SMTN: variants seen among roughly 807,000 people sequenced by gnomAD.
The protein encoded by SMTN is smoothelin.
Under a neutral mutation model 102.0 loss-of-function variants are expected in SMTN, and 58 were observed. That is an observed-to-expected ratio of 0.57 (90% CI 0.46 to 0.71). The LOEUF (loss-of-function observed/expected upper bound fraction) is 0.71. Among genes scored for constraint, SMTN ranks in the 30% least tolerant of loss-of-function variants. The pLI is 0.00. For synonymous variants in SMTN, 478 were observed against 497.9 expected (o/e 0.96, Z 0.53); for missense variants, 1,185 against 1,241.7 (o/e 0.95, Z 0.69).
chr22:31,094,036 C>T (rs2043363419), intron 11 of SMTN, among the ~76,000 whole-genome samples: 1 of 152,220 alleles, frequency 6.6e-6, no homozygotes, highest in South Asian at 2.1e-4. Context: ...GTGCCAGGCT[C>T]CAGCCCTGAG....
rs1014369874 is a variant in SMTN at position 31,098,749 on chromosome 22, G to T, written c.2242G>T (p.Glu748Ter). 7 of 1,613,374 alleles carry T rather than the reference G, an allele frequency of 4.3e-6. No individual in the cohort carries two copies. The highest frequency in any genetic ancestry group is 5.9e-6 in the Non-Finnish European group (7 of 1,179,856). ...GAAACGGCAGGCCGAGAAGAAGAAA[G>T]AGCTGATGAAGGCGCAGAGTCTGCC... ...LEKRQAEKKK[E>*]LMKAQSLPKT... The change falls in exon 17 of 21, where the codon GAG becomes TAG. Residue 748 changes from glutamate (E) to a stop codon, truncating the protein, a stop_gained. Coordinates refer to ENST00000333137, the MANE Select transcript of SMTN (RefSeq NM_134269.3). LOFTEE classifies it high-confidence loss of function.
At chr22:31,087,815 A>G (rs1011542581) in intron 2 of SMTN, 150 bp from the exon 3 acceptor site, 15 of 759,732 alleles carry the variant, frequency 2.0e-5, no homozygotes, top group Non-Finnish European at 2.8e-5. Flanking sequence ...TACCCCCGGG[A>G]CCCTGCGTGG....
intron 11 of SMTN, among the ~76,000 whole-genome samples, chr22:31,094,939 G>T (rs531450012): frequency 6.6e-6 from 1 of 152,028 alleles, no homozygotes; most frequent in African/African-American, 2.4e-5. Context: ...CTCCCACCTC[G>T]GCCTCCCAAA....
intron 18 of SMTN, chr22:31,099,412 CA>C (rs2043894655): frequency 3.4e-6 from 2 of 591,654 alleles, no homozygotes; most frequent in East Asian, 5.6e-5. Context: ...GGGCAGGGTT[CA>C]AGGCCGGATC....
upstream of SMTN, chr22:31,080,724 C>G (rs1195882100): frequency 6.6e-6 from 1 of 152,234 alleles, no homozygotes; most frequent in Non-Finnish European, 1.5e-5. Context: ...AAGGTAGAAG[C>G]ATGCTACAAG....
chr22:31,073,680 C>A (rs2042061763), intron 1 of SMTN, among the ~76,000 whole-genome samples: 1 of 152,198 alleles, frequency 6.6e-6, no homozygotes, highest in Non-Finnish European at 1.5e-5. Flanking sequence ...TTACAGCAGT[C>A]AGCATTAATT....
intron 20 of SMTN, 149 bp from the exon 21 acceptor site, chr22:31,104,167 G>A: frequency 1.1e-6 from 1 of 880,156 alleles, no homozygotes. Context: ...TGAAGCCAGG[G>A]GCTTCCTGCC....
chr22:31,103,355 T>G (rs938465639), intron 20 of SMTN: 1 of 152,264 alleles, frequency 6.6e-6, no homozygotes, highest in Non-Finnish European at 1.5e-5. Context: ...GGTCTTGCTC[T>G]GGGGGTTGAG....
chr22:31,068,508 C>T (rs565557403), intron 1 of SMTN, among the ~76,000 whole-genome samples: 9 of 152,110 alleles, frequency 5.9e-5, no homozygotes, highest in Admixed American at 3.3e-4. Flanking sequence ...GTCTTTTGTA[C>T]CAATTAGGTA....
At chr22:31,097,139 G>C in intron 15 of SMTN, 79 bp downstream of exon 15, 2 of 1,519,346 alleles carry the variant, frequency 1.3e-6, no homozygotes, top group South Asian at 1.1e-5. Context: ...CTCTCTCTCC[G>C]TGTCTTCAAC....
Position 31,091,140 on chromosome 22 carries a change from A to G in SMTN, c.1117A>G (p.Thr373Ala), listed in dbSNP as rs747025394. 9.3e-6 allele frequency: 15 copies of G among 1,612,390 alleles called. No homozygotes were observed. The highest frequency in any genetic ancestry group is 1.1e-5 in the Non-Finnish European group (13 of 1,179,482). ...CCTGGGCCCCTCCCTCACCAGCACCACCCCTGCCTCCTCCTCCAGCGGCTC... is the reference window on the plus strand; with the variant it reads ...CCTGGGCCCCTCCCTCACCAGCACCGCCCCTGCCTCCTCCTCCAGCGGCTC... ...RLLGPSLTST[T>A]PASSSSGSSS... Residue 373 changes from threonine (T) to alanine (A), a missense_variant, in exon 10 of 21, where the codon ACC becomes GCC. Thr to Ala is a moderately conservative substitution (Grantham distance 58). This residue lies in a region of SMTN where 1,096 missense variants were observed against 1,112.7 expected (regional missense o/e 0.98). Transcript: ENST00000333137.
chr22:31,093,225 GC>G (rs994591702), intron 11 of SMTN: 29 of 249,514 alleles, frequency 1.2e-4, no homozygotes, highest in African/African-American at 4.1e-4. Context: ...GCTTGGGCAG[GC>G]CCCCCCTCCC....
intron 1 of SMTN, among the ~76,000 whole-genome samples, chr22:31,075,242 A>C (rs2042100463): frequency 6.6e-6 from 1 of 152,162 alleles, no homozygotes; most frequent in Non-Finnish European, 1.5e-5. Context: ...AGAAATTAGC[A>C]TCTGTCTCAT....
In SMTN at chr22:31,081,342, A is replaced by C. The variant is rs1159880670; in HGVS notation, c.-195A>C. 4 of 152,062 alleles carry C rather than the reference A, an allele frequency of 2.6e-5. No individual in the cohort carries two copies. Among genetic ancestry groups the C allele is most frequent in the Non-Finnish European group, 5.9e-5 (4 of 68,046 alleles). 9.4% of individuals were successfully genotyped at this position (152,062 alleles called of 1,614,324 possible). ...CGCAGAATCCAGGGGACGGTTGCTG[A>C]GCGGGCCTGGGACAGCGGGTCGCGG... is the stretch of plus-strand genomic sequence containing the variant. On this transcript the variant is annotated 5_prime_UTR_variant, in exon 1 of 21. Coordinates refer to ENST00000333137, the MANE Select transcript of SMTN (RefSeq NM_134269.3).
chr22:31,090,312 C>T (rs2043026703), intron 8 of SMTN, 132 bp downstream of exon 8: 3 of 687,264 alleles, frequency 4.4e-6, no homozygotes, highest in African/African-American at 3.6e-5. Context: ...CCTGATACTG[C>T]ACCCCACCCC....
At chr22:31,085,317 G>A in intron 2 of SMTN, 1 of 1,475,140 alleles carries the variant, frequency 6.8e-7, no homozygotes, top group South Asian at 1.3e-5. Flanking sequence ...GCGGCGCCCT[G>A]CGAGGGAGGG....
intron 6 of SMTN, 45 bp from the exon 7 acceptor site, chr22:31,089,654 T>G (rs1358621596): frequency 6.5e-7 from 1 of 1,549,730 alleles, no homozygotes; most frequent in African/African-American, 1.3e-5. Context: ...GGGGTGGCGT[T>G]CAAAGCCTAG....
Position 31,096,704 on chromosome 22 carries a change from T to C in SMTN, c.1862-29T>C. The C allele has an allele frequency of 2.0e-6, 3 of 1,507,546 alleles. No individual in the cohort carries two copies. The South Asian group carries it at 3.9e-5, about 20-fold the overall frequency. 93.4% of individuals were successfully genotyped at this position (1,507,546 alleles called of 1,614,324 possible). ...GCTGTGTGGGTGTTGGTGGCCCTTT[T>C]GCGCATGCATGGGGCATCCCCTGCC... On this transcript the variant is annotated intron_variant, in intron 13 of 20. Transcript: ENST00000333137.
chr22:31,092,227 C>T (rs1402022423), intron 11 of SMTN, among the ~76,000 whole-genome samples: 4 of 152,230 alleles, frequency 2.6e-5, no homozygotes, highest in Admixed American at 1.3e-4. Flanking sequence ...CTGCGCCCAC[C>T]CACACTGGAC....
Sources: gnomAD v4.1 joint callset for allele counts (sites outside exome capture counted in the v4.1 genomes callset) on GRCh38, gnomAD v4.1.1 for gene constraint, gnomAD v4.1.1 regional missense constraint, MANE v1.5 for transcripts, NCBI Gene and HGNC (gene_info 2026-07-23, HGNC 2026-07-21) for gene names.